L3MBTL3: variants seen among roughly 807,000 people sequenced by gnomAD.
The protein encoded by L3MBTL3 is L3MBTL histone methyl-lysine binding protein 3.
A neutral mutation model predicts 102.3 loss-of-function variants in L3MBTL3; 27 were observed. The ratio of observed to expected loss-of-function variants is 0.26; its 90% CI spans 0.19 to 0.36. L3MBTL3 has a LOEUF of 0.36. L3MBTL3 is among the 10% of genes least tolerant of loss of function. The pLI, the probability that L3MBTL3 is intolerant of heterozygous loss-of-function variation, is 1.00. For missense variants in L3MBTL3, 798 were observed against 955.3 expected, an observed-to-expected ratio of 0.84 and a Z score of 2.17; for synonymous variants, 340 against 320.9, an observed-to-expected ratio of 1.06 and a Z score of -0.64.
intron 14 of L3MBTL3, among the ~76,000 whole-genome samples, 181 bp from the exon 15 acceptor site, chr6:130,083,439 T>C (rs1783490426): frequency 2.0e-5 from 3 of 151,872 alleles, no homozygotes; most frequent in Admixed American, 1.3e-4. Flanking sequence ...AATAGAAAAA[T>C]AATGATCAAG....
rs1479866686 is a variant in L3MBTL3 at position 130,060,154 on chromosome 6, C to T, written c.864+14C>T. 13 of 1,461,206 alleles carry T rather than the reference C, an allele frequency of 8.9e-6. No individual in the cohort carries two copies. Among genetic ancestry groups the T allele is most frequent in the African/African-American group, 1.4e-5 (1 of 70,872 alleles). 90.5% of individuals were successfully genotyped at this position (1,461,206 alleles called of 1,614,324 possible). A position where few individuals can be genotyped will look rare whatever the true frequency, so the allele number is the denominator to read the frequency against. ...ACCGTCGCGGAGGTAAGCTTTGCCT[C>T]GTCCTTTATTTTTAAAATAAAATGG... On this transcript the variant is annotated intron_variant, in intron 10 of 22. Transcript: ENST00000361794.
At chr6:130,059,241 T>C (rs919387297) in intron 9 of L3MBTL3, among the ~76,000 whole-genome samples, 3 of 152,360 alleles carry the variant, frequency 2.0e-5, no homozygotes, top group African/African-American at 7.2e-5. Context: ...AGTGCTTATA[T>C]TCCCTTCCTG....
At chr6:130,116,107 A>G (rs1309413957) in intron 19 of L3MBTL3, among the ~76,000 whole-genome samples, 3 of 152,128 alleles carry the variant, frequency 2.0e-5, no homozygotes, top group Non-Finnish European at 4.4e-5. Flanking sequence ...TCTAAAAGCT[A>G]TTTTAATAGT....
rs1329301028 is a variant in L3MBTL3, at chr6:130,133,767, T to TTAAA, written c.2137-74_2137-71dup. Reference sequence around the variant, plus strand: ...GAGAGAAATAACTAATGCATATGGGTTAAATGTTTTGAACCTGTAGCATTT... The same window carrying TTAAA: ...GAGAGAAATAACTAATGCATATGGGTTAAATAAATGTTTTGAACCTGTAGCATTT... On this transcript the variant is annotated intron_variant, in intron 21 of 22. Transcript: ENST00000361794. This position sits in a 1 kb window ranked among gnomAD's most constrained non-coding sequence, Gnocchi z 4.9. The TTAAA allele has an allele frequency of 1.2e-4, 172 of 1,486,260 alleles. No homozygotes were observed. The Middle Eastern group carries it at 1.7e-3, about 15-fold the overall frequency. 92.1% of individuals were successfully genotyped at this position (1,486,260 alleles called of 1,614,324 possible).
chr6:130,131,781 A>G (rs1380305468), intron 20 of L3MBTL3, among the ~76,000 whole-genome samples: 2 of 152,194 alleles, frequency 1.3e-5, no homozygotes, highest in African/African-American at 4.8e-5. Flanking sequence ...GACAATTGTA[A>G]ACTGTCCTGG....
At chr6:130,127,020 A>G (rs1786652552) in intron 20 of L3MBTL3, among the ~76,000 whole-genome samples, 1 of 152,148 alleles carries the variant, frequency 6.6e-6, no homozygotes, top group Non-Finnish European at 1.5e-5. Flanking sequence ...GCCTGGGACA[A>G]AATTTCTCTG....
At chr6:130,050,185 A>T (rs1781005911) in intron 5 of L3MBTL3, among the ~76,000 whole-genome samples, 1 of 152,212 alleles carries the variant, frequency 6.6e-6, no homozygotes, top group African/African-American at 2.4e-5. Flanking sequence ...TTGAAGCCAG[A>T]GGAACTTAAC....
At chr6:130,098,395 A>G (rs1784482910) in intron 18 of L3MBTL3, among the ~76,000 whole-genome samples, 2 of 152,162 alleles carry the variant, frequency 1.3e-5, no homozygotes, top group South Asian at 4.1e-4. Flanking sequence ...TCTGGTGTAA[A>G]CAGATTCTCA....
chr6:130,083,926 C>G (rs1294593879), intron 15 of L3MBTL3, among the ~76,000 whole-genome samples: 1 of 152,050 alleles, frequency 6.6e-6, no homozygotes, highest in Non-Finnish European at 1.5e-5. Flanking sequence ...ACTTTAAAGT[C>G]TCCTTGGAAA....
rs546830618 is a variant in L3MBTL3 at position 130,033,131 on chromosome 6, A to G, written c.-15-9554A>G. On this transcript the variant is annotated intron_variant, in intron 2 of 22. Transcript: ENST00000361794. Reference sequence around the variant, plus strand: ...GTAAGGGATGGAAAGAGGAACTGTAAGAGTAGGGCAAATCTTGAGGATAAT... The same window carrying G: ...GTAAGGGATGGAAAGAGGAACTGTAGGAGTAGGGCAAATCTTGAGGATAAT... Among the ~76,000 whole-genome samples, 154 of 152,346 alleles carry G rather than the reference A, an allele frequency of 1.0e-3. 1 individual carries two copies. The highest frequency in any genetic ancestry group is 3.6e-3 in the African/African-American group (149 of 41,590).
At chr6:130,090,866 C>A (rs1783997640) in intron 16 of L3MBTL3, among the ~76,000 whole-genome samples, 1 of 152,114 alleles carries the variant, frequency 6.6e-6, no homozygotes, top group South Asian at 2.1e-4. Context: ...GGATTACAGG[C>A]ATGAACCACT....
intron 22 of L3MBTL3, among the ~76,000 whole-genome samples, chr6:130,136,722 A>G (rs908144610): frequency 2.0e-5 from 3 of 151,926 alleles, no homozygotes; most frequent in Admixed American, 1.3e-4. Context: ...GGTTCAAGCT[A>G]TTCTCATGCT....
intron 19 of L3MBTL3, among the ~76,000 whole-genome samples, chr6:130,114,286 T>A (rs562592844): frequency 6.6e-6 from 1 of 152,210 alleles, no homozygotes; most frequent in Non-Finnish European, 1.5e-5. Flanking sequence ...GTGTTATTGC[T>A]ATATGCCTGT....
At chr6:130,044,459 A>T (rs931501226) in intron 3 of L3MBTL3, among the ~76,000 whole-genome samples, 23 of 152,194 alleles carry the variant, frequency 1.5e-4, no homozygotes, top group African/African-American at 5.3e-4. Flanking sequence ...AGCTTTTAAC[A>T]ATAGAGTGAA....
At chr6:130,024,276 C>T (rs768118210) in intron 2 of L3MBTL3, among the ~76,000 whole-genome samples, 11 of 152,104 alleles carry the variant, frequency 7.2e-5, no homozygotes, top group South Asian at 6.2e-4. Flanking sequence ...TCTTTGGCTG[C>T]AATCTAATTA....
At chr6:130,086,017 T>C (rs541277399) in intron 15 of L3MBTL3, 123 bp from the exon 16 acceptor site, 2 of 664,876 alleles carry the variant, frequency 3.0e-6, no homozygotes, top group Admixed American at 5.1e-5. Context: ...CCTTCCAAAG[T>C]GCTGGGATTA....
At position 130,133,340 on chromosome 6, in the gene L3MBTL3, A is replaced by G; in HGVS notation, c.1967-112A>G. 1.0e-6 allele frequency: 1 copy of G among 978,730 alleles called. No individual in the cohort carries two copies. The highest frequency in any genetic ancestry group is 1.5e-6 in the Non-Finnish European group (1 of 648,048). 60.6% of individuals were successfully genotyped at this position (978,730 alleles called of 1,614,324 possible). A position where few individuals can be genotyped will look rare whatever the true frequency, so the allele number is the denominator to read the frequency against. ...ATTCAATAGTATAATGCTGAAAGGA[A>G]CCAATGCTTTAACCACTCCCACCTC... On this transcript the variant is annotated intron_variant, in intron 20 of 22. Transcript: ENST00000361794. This position sits in a 1 kb window ranked among gnomAD's most constrained non-coding sequence, Gnocchi z 4.9.
intron 14 of L3MBTL3, 151 bp downstream of exon 14, chr6:130,078,785 G>A (rs1783121757): frequency 1.7e-6 from 1 of 578,728 alleles, no homozygotes; most frequent in Non-Finnish European, 3.1e-6. Flanking sequence ...TGCAAAAACA[G>A]CCATAGACAA....
chr6:130,042,934 C>A, intron 3 of L3MBTL3, 133 bp downstream of exon 3: 1 of 554,808 alleles, frequency 1.8e-6, no homozygotes, highest in Non-Finnish European at 3.2e-6. Flanking sequence ...GATGCTTAGA[C>A]CTCCACAATA....
Sources: gnomAD v4.1 joint callset for allele counts (sites outside exome capture counted in the v4.1 genomes callset) on GRCh38, gnomAD v4.1.1 for gene constraint, Gnocchi (gnomAD v3.1) non-coding constraint, MANE v1.5 for transcripts, NCBI Gene and HGNC (gene_info 2026-07-23, HGNC 2026-07-21) for gene names.